TNRC6A: variants seen among roughly 807,000 people sequenced by gnomAD.
TNRC6A encodes the protein trinucleotide repeat-containing gene 6A protein.
A neutral mutation model predicts 221.2 loss-of-function variants in TNRC6A; 44 were observed. The observed-to-expected ratio is 0.20, with a 90% CI of 0.16 to 0.26. The LOEUF is 0.26. Ranked by LOEUF, TNRC6A falls within the 10% of genes least tolerant of loss-of-function variation. The probability of loss-of-function intolerance (pLI) is 1.00; values close to 1 mark genes in which losing one functional copy is unlikely to be tolerated. For synonymous variants in TNRC6A, 847 were observed against 838.5 expected (o/e 1.01, Z -0.18); for missense variants, 2,199 against 2,404.4 (o/e 0.91, Z 1.79).
chr16:24,622,771 A>G (rs1309900665), intron 1 of TNRC6A, among the ~76,000 whole-genome samples: 1 of 152,218 alleles, frequency 6.6e-6, no homozygotes. Flanking sequence ...TATGTGACAT[A>G]GCACAAATGG....
Position 24,664,658 on chromosome 16 carries a change from AATTTATT to A in TNRC6A, n.402+23670_402+23676del, listed in dbSNP as rs979992282. Among the ~76,000 whole-genome samples, 682 of 135,658 alleles carry A rather than the reference AATTTATT, an allele frequency of 5.0e-3. 6 individuals are homozygous for A. The highest frequency in any genetic ancestry group is 0.015 in the Middle Eastern group (4 of 268). The allele number at this position is 135,658 out of a possible 152,430, so 89.0% of individuals were successfully genotyped here. A position where few individuals can be genotyped will look rare whatever the true frequency, so the allele number is the denominator to read the frequency against. Reference sequence around the variant, plus strand: ...TTAATAAATATATTTATTAATAATAAATTTATTATTTATTATTTATTATTTATGTCTC... The same window carrying A: ...TTAATAAATATATTTATTAATAATAAATTTATTATTTATTATTTATGTCTC... On this transcript the variant is annotated intron_variant and non_coding_transcript_variant, in intron 2 of 2. Transcript: ENST00000566108.
At chr16:24,760,118 G>A (rs1052088108) in intron 4 of TNRC6A, among the ~76,000 whole-genome samples, 3 of 151,936 alleles carry the variant, frequency 2.0e-5, no homozygotes, top group African/African-American at 7.3e-5. Context: ...AGCATTCTTA[G>A]CTCTTTCATG....
At chr16:24,698,712 T>A (rs1169282929) in intron 2 of TNRC6A, among the ~76,000 whole-genome samples, 3 of 150,820 alleles carry the variant, frequency 2.0e-5, no homozygotes, top group African/African-American at 7.3e-5. Flanking sequence ...TTTGGGGAGG[T>A]TTTTTTTGTT....
At chr16:24,787,538 C>A (rs1283769489) in intron 5 of TNRC6A, among the ~76,000 whole-genome samples, 1 of 152,206 alleles carries the variant, frequency 6.6e-6, no homozygotes, top group South Asian at 2.1e-4. Flanking sequence ...GGTTTGCTTA[C>A]ACCCAATGAG....
At chr16:24,687,565 G>A (rs886455848) in intron 2 of TNRC6A, among the ~76,000 whole-genome samples, 9 of 152,276 alleles carry the variant, frequency 5.9e-5, no homozygotes, top group African/African-American at 2.2e-4. Context: ...AAAGCAGGAG[G>A]ATGTCTTGAG....
intron 11 of TNRC6A, among the ~76,000 whole-genome samples, chr16:24,801,313 A>G (rs1286501843): frequency 1.3e-5 from 2 of 152,146 alleles, no homozygotes; most frequent in Non-Finnish European, 2.9e-5. Flanking sequence ...TTAGAGTAGA[A>G]TAATTTTTCA....
At chr16:24,744,508 A>G (rs1244391563) in intron 2 of TNRC6A, among the ~76,000 whole-genome samples, 1 of 152,126 alleles carries the variant, frequency 6.6e-6, no homozygotes, top group Non-Finnish European at 1.5e-5. Context: ...TCAATCATTC[A>G]TTCATATCAG....
chr16:24,778,231 C>G, intron 5 of TNRC6A: 1 of 953,166 alleles, frequency 1.0e-6, no homozygotes, highest in Non-Finnish European at 1.2e-6. Flanking sequence ...GCTCTATGTG[C>G]CTGAGCAGTC....
chr16:24,761,051 A>G (rs1350733229), intron 4 of TNRC6A, among the ~76,000 whole-genome samples: 2 of 152,342 alleles, frequency 1.3e-5, no homozygotes, highest in African/African-American at 4.8e-5. Flanking sequence ...GAGTCTGCCT[A>G]TTCCAGAATT....
At chr16:24,715,605 CTTTTTTT>C (rs58843836) in intron 2 of TNRC6A, among the ~76,000 whole-genome samples, 1 of 127,220 alleles carries the variant, frequency 7.9e-6, no homozygotes, top group Non-Finnish European at 1.7e-5. Context: ...TGAGTAGTTT[CTTTTTTT>C]TTTTTTTTTC....
intron 5 of TNRC6A, among the ~76,000 whole-genome samples, chr16:24,788,524 A>G (rs1278190948): frequency 6.6e-6 from 1 of 152,192 alleles, no homozygotes; most frequent in Non-Finnish European, 1.5e-5. Context: ...TATTTCTGAT[A>G]CATTTTATCA....
At chr16:24,649,475 A>T (rs1220688041) in intron 2 of TNRC6A, among the ~76,000 whole-genome samples, 1 of 151,162 alleles carries the variant, frequency 6.6e-6, no homozygotes, top group Non-Finnish European at 1.5e-5. Flanking sequence ...CACCCAGCTA[A>T]TTTTTTTATT....
rs183982625 is a variant in TNRC6A at position 24,764,150 on chromosome 16, T to G, written c.163+5790T>G. Among the ~76,000 whole-genome samples, 678 of 148,386 alleles carry G rather than the reference T, an allele frequency of 4.6e-3. 9 individuals are homozygous for G. The highest frequency in any genetic ancestry group is 0.017 in the African/African-American group (657 of 38,128). ...CTCTGTTTCTATGTATTTGACTGTT[T>G]TTTTTTTTTAAGATTCCACTTGTAA... On this transcript the variant is annotated intron_variant, in intron 4 of 24. Transcript: ENST00000395799.
chr16:24,807,116 G>A (rs537543730), intron 17 of TNRC6A, among the ~76,000 whole-genome samples: 3 of 150,868 alleles, frequency 2.0e-5, no homozygotes, highest in South Asian at 2.1e-4. Context: ...AGCGATTCTC[G>A]CACCTCAGCT....
chr16:24,811,834 T>TC (rs1477075472), intron 18 of TNRC6A, among the ~76,000 whole-genome samples: 2 of 152,008 alleles, frequency 1.3e-5, no homozygotes, highest in Non-Finnish European at 2.9e-5. Flanking sequence ...TTCTTTTTTT[T>TC]CTATTGAATT....
At chr16:24,637,388 T>C (rs1434730238) in intron 1 of TNRC6A, among the ~76,000 whole-genome samples, 2 of 152,176 alleles carry the variant, frequency 1.3e-5, no homozygotes, top group Non-Finnish European at 2.9e-5. Context: ...CCTCCACCCA[T>C]GGGCATGCTG....
chr16:24,682,389 CTTT>C (rs563276976), intron 2 of TNRC6A, among the ~76,000 whole-genome samples: 1 of 130,402 alleles, frequency 7.7e-6, no homozygotes, highest in African/African-American at 2.9e-5. Flanking sequence ...CCACGCCCAG[CTTT>C]TTTTTTTTTT....
Position 24,805,519 on chromosome 16 carries a change from C to T in TNRC6A, c.4123-86C>T. ...AATGAATAGTCCACAAATTTAACTG[C>T]TCTATTGACAACTGAAAACACACAG... On this transcript the variant is annotated intron_variant, in intron 14 of 24. Transcript: ENST00000395799. 3.9e-6 allele frequency: 6 copies of T among 1,544,024 alleles called. No individual in the cohort carries two copies. The South Asian group carries it at 7.4e-5, about 19-fold the overall frequency.
chr16:24,690,983 G>T (rs1348477899), intron 2 of TNRC6A, among the ~76,000 whole-genome samples: 3 of 151,568 alleles, frequency 2.0e-5, no homozygotes, highest in Non-Finnish European at 4.4e-5. Flanking sequence ...AATTTTTTTT[G>T]TATTTTTGGT....
Sources: allele counts gnomAD v4.1 joint callset (sites outside exome capture counted in the v4.1 genomes callset), GRCh38; gene constraint gnomAD v4.1.1; transcripts MANE v1.5; gene names NCBI Gene and HGNC (gene_info 2026-07-23, HGNC 2026-07-21).